RPS6KA1: variants seen among roughly 807,000 people sequenced by gnomAD.
The protein encoded by RPS6KA1 is ribosomal protein S6 kinase alpha-1.
RPS6KA1 carries 48 observed loss-of-function variants against 91.3 expected under a neutral mutation model. The ratio of observed to expected loss-of-function variants is 0.53; its 90% CI spans 0.42 to 0.67. The LOEUF is 0.67. Among genes scored for constraint, RPS6KA1 ranks in the 30% least tolerant of loss-of-function variants. The pLI is 0.00. For missense variants in RPS6KA1, 719 were observed against 960.5 expected (o/e 0.75, Z 3.32); for synonymous variants, 359 against 384.7 (o/e 0.93, Z 0.78).
In RPS6KA1 at chr1:26,546,916, G is replaced by T. The variant is rs1456649612; in HGVS notation, c.158G>T (p.Gly53Val). The T allele has an allele frequency of 2.5e-6, 4 of 1,614,178 alleles. No individual in the cohort carries two copies. The highest frequency in any genetic ancestry group is 3.4e-6 in the Non-Finnish European group (4 of 1,180,030). ...TCCATCACGCACCACGTCAAGGCTG[G>T]CTCTGAGAAGGCTGATCCATCCCAT... ...EISITHHVKA[G>V]SEKADPSHFE... Residue 53 changes from glycine (G) to valine (V), a missense_variant, in exon 3 of 22, where the codon GGC (glycine) becomes GTC (valine). Around this residue, in one of 5 missense-constraint regions of RPS6KA1, gnomAD observed 159 missense variants for 264.5 expected, o/e 0.60. Coordinates refer to ENST00000374168, the MANE Select transcript of RPS6KA1 (RefSeq NM_002953.4).
At chr1:26,530,956 A>G in intron 1 of RPS6KA1, 2 of 1,127,064 alleles carry the variant, frequency 1.8e-6, no homozygotes, top group South Asian at 3.4e-5. Flanking sequence ...GGGAATGGAG[A>G]CCTCATTTGA....
chr1:26,530,957 C>A, intron 1 of RPS6KA1: 4 of 1,127,948 alleles, frequency 3.5e-6, no homozygotes, highest in Non-Finnish European at 4.5e-6. Flanking sequence ...GGAATGGAGA[C>A]CTCATTTGAG....
intron 19 of RPS6KA1, 110 bp downstream of exon 19, chr1:26,572,035 G>A: frequency 7.4e-7 from 1 of 1,342,466 alleles, no homozygotes; most frequent in Non-Finnish European, 1.1e-6. Flanking sequence ...AGGATGGTCT[G>A]GAAATAGGGA....
intron 1 of RPS6KA1, 88 bp downstream of exon 1, chr1:26,530,071 C>T (rs563158750): frequency 6.4e-6 from 6 of 933,512 alleles, no homozygotes; most frequent in African/African-American, 5.3e-5. Context: ...CCGCTGCAGT[C>T]CGGCGGGCGC....
chr1:26,548,900 CAGA>C (rs1356196808), intron 4 of RPS6KA1, among the ~76,000 whole-genome samples: 3 of 151,512 alleles, frequency 2.0e-5, no homozygotes, highest in Non-Finnish European at 2.9e-5. Flanking sequence ...AAAATTAAAA[CAGA>C]AGAAGGGGAC....
At position 26,551,606 on chromosome 1, in the gene RPS6KA1, C is replaced by T. The variant is rs375443991; in HGVS notation, c.389-38C>T. 8.6e-5 allele frequency: 138 copies of T among 1,604,612 alleles called. 1 individual carries two copies. The highest frequency in any genetic ancestry group is 3.5e-4 in the African/African-American group (26 of 74,874). On this transcript the variant is annotated intron_variant, in intron 5 of 21. Transcript: ENST00000374168. The surrounding 1 kb of genome is among the most constrained non-coding windows in gnomAD (Gnocchi z 4.5). ...GGGCCGGAGAAGCAGATCATAAGGCCGCGCCGACTCTACCATTGCCTTTCT... is the reference window on the plus strand; with the variant it reads ...GGGCCGGAGAAGCAGATCATAAGGCTGCGCCGACTCTACCATTGCCTTTCT...
At position 26,554,166 on chromosome 1, in the gene RPS6KA1, CCA is replaced by C. The variant is rs773408569; in HGVS notation, c.576-44_576-43del. 4 of 1,543,812 alleles carry C rather than the reference CCA, an allele frequency of 2.6e-6. No homozygotes were observed. In the East Asian group the frequency reaches 9.8e-5, roughly 38 times the overall value. On this transcript the variant is annotated intron_variant, in intron 7 of 21. Transcript: ENST00000374168. The surrounding 1 kb of genome is among the most constrained non-coding windows in gnomAD (Gnocchi z 4.6). Reference sequence around the variant, plus strand: ...CACAGCCCTGTGGTAACACCATCACCCACACGGCCACAGCTGAGGGGCCCTGA... The same window carrying C: ...CACAGCCCTGTGGTAACACCATCACCCACGGCCACAGCTGAGGGGCCCTGA...
At position 26,573,390 on chromosome 1, in the gene RPS6KA1, C is replaced by T. The variant is rs1246359603; in HGVS notation, c.2085+29C>T. ...TGGCCACCCTTGGGCTGCTGGGCAT[C>T]TGGGGGGTCAGCCCAAGGTGGCATG... On this transcript the variant is annotated intron_variant, in intron 21 of 21. Transcript: ENST00000374168. 42 of 1,613,472 alleles carry T rather than the reference C, an allele frequency of 2.6e-5. No homozygotes were observed. The Admixed American group carries it at 6.5e-4, about 25-fold the overall frequency.
intron 20 of RPS6KA1, 101 bp from the exon 21 acceptor site, chr1:26,573,123 T>G (rs901304950): frequency 2.3e-6 from 3 of 1,281,458 alleles, no homozygotes; most frequent in Non-Finnish European, 3.3e-6. Flanking sequence ...GCCGCAAGGG[T>G]TCAGGCGGGA....
intron 1 of RPS6KA1, among the ~76,000 whole-genome samples, chr1:26,531,615 A>G (rs1298417523): frequency 6.6e-6 from 1 of 152,178 alleles, no homozygotes; most frequent in Non-Finnish European, 1.5e-5. Flanking sequence ...GTTCTGTAAC[A>G]TCTCAGGTCT....
Position 26,554,306 on chromosome 1 carries a change from T to G in RPS6KA1, c.613+55T>G. 1 of 1,526,234 alleles carries G rather than the reference T, an allele frequency of 6.6e-7. No homozygotes were observed. The allele number at this position is 1,526,234 out of a possible 1,614,324, so 94.5% of individuals were successfully genotyped here. ...CCCAGGGGAGGACAGGACAAGGTCATGATAGGTCTCGGCTGAGTGCTGGGG... is the reference window on the plus strand; with the variant it reads ...CCCAGGGGAGGACAGGACAAGGTCAGGATAGGTCTCGGCTGAGTGCTGGGG... On this transcript the variant is annotated intron_variant, in intron 8 of 21. Transcript: ENST00000374168. The surrounding 1 kb of genome is among the most constrained non-coding windows in gnomAD (Gnocchi z 4.6).
At chr1:26,537,026 G>A (rs1381063627) in intron 2 of RPS6KA1, 57 bp downstream of exon 2, 2 of 1,590,374 alleles carry the variant, frequency 1.3e-6, no homozygotes, top group East Asian at 4.5e-5. Context: ...TGTTTGCATG[G>A]CTTTGGAGGA....
At chr1:26,564,251 A>G (rs192946885) in intron 17 of RPS6KA1, among the ~76,000 whole-genome samples, 10 of 152,268 alleles carry the variant, frequency 6.6e-5, no homozygotes, top group Admixed American at 3.3e-4. Context: ...ATTTTATTTA[A>G]TTAATTAATT....
chr1:26,537,409 A>G (rs914362923), intron 2 of RPS6KA1, among the ~76,000 whole-genome samples: 1 of 152,220 alleles, frequency 6.6e-6, no homozygotes, highest in Non-Finnish European at 1.5e-5. Context: ...AAGGCTAACC[A>G]GGCCCATTGC....
intron 4 of RPS6KA1, among the ~76,000 whole-genome samples, chr1:26,549,477 T>G (rs1302993390): frequency 6.6e-6 from 1 of 151,546 alleles, no homozygotes; most frequent in Non-Finnish European, 1.5e-5. Context: ...GCTGAGGCAC[T>G]AGAATCGCTT....
At chr1:26,556,591 G>C in intron 11 of RPS6KA1, 63 bp from the exon 12 acceptor site, 5 of 1,563,820 alleles carry the variant, frequency 3.2e-6, no homozygotes, top group Non-Finnish European at 4.4e-6. Flanking sequence ...GCTGCTTGGT[G>C]GGCAGGGTAA....
chr1:26,569,177 A>G (rs2124669643), intron 17 of RPS6KA1, among the ~76,000 whole-genome samples: 1 of 152,268 alleles, frequency 6.6e-6, no homozygotes, highest in Non-Finnish European at 1.5e-5. Flanking sequence ...CTCAAAAAAA[A>G]AAAAAAGAAA....
intron 21 of RPS6KA1, 89 bp downstream of exon 21, chr1:26,573,450 GT>G: frequency 6.9e-7 from 1 of 1,459,144 alleles, no homozygotes; most frequent in Non-Finnish European, 9.5e-7. Context: ...GCAATGCCAT[GT>G]CTGTACCAAG....
chr1:26,571,778 G>C lies in RPS6KA1; in HGVS notation c.1753-71G>C. 2 of 1,517,520 alleles carry C rather than the reference G, an allele frequency of 1.3e-6. No individual in the cohort carries two copies. The highest frequency in any genetic ancestry group is 1.8e-6 in the Non-Finnish European group (2 of 1,115,450). 94.0% of individuals were successfully genotyped at this position (1,517,520 alleles called of 1,614,324 possible). On this transcript the variant is annotated intron_variant, in intron 18 of 21. Transcript: ENST00000374168. The surrounding 1 kb of genome is among the most constrained non-coding windows in gnomAD (Gnocchi z 5.1). ...GACCCTTGTCCTGCCCTTGAGGGGAGTAGCAGGAAACATCTGTGGCGACTT... is the reference window on the plus strand; with the variant it reads ...GACCCTTGTCCTGCCCTTGAGGGGACTAGCAGGAAACATCTGTGGCGACTT...
Sources: gnomAD v4.1 joint callset for allele counts (sites outside exome capture counted in the v4.1 genomes callset) on GRCh38, gnomAD v4.1.1 for gene constraint, gnomAD v4.1.1 regional missense constraint, Gnocchi (gnomAD v3.1) non-coding constraint, MANE v1.5 for transcripts, NCBI Gene and HGNC (gene_info 2026-07-23, HGNC 2026-07-21) for gene names.